CAMK2D: variants seen among roughly 807,000 people sequenced by gnomAD.
CAMK2D encodes calcium/calmodulin dependent protein kinase II delta.
In CAMK2D, 37 loss-of-function variants were observed where a neutral mutation model predicts 84.0. The ratio of observed to expected loss-of-function variants is 0.44; its 90% CI spans 0.34 to 0.58. The LOEUF (loss-of-function observed/expected upper bound fraction) is 0.58, where lower values mean the gene tolerates loss of function less well. CAMK2D is among the 20% of genes least tolerant of loss of function. The pLI is 0.02. For missense variants in CAMK2D, 448 were observed against 652.5 expected (o/e 0.69, Z 3.41); for synonymous variants, 202 against 212.5 (o/e 0.95, Z 0.43).
At chr4:113,612,642 ATGAGAAAAACATT>A (rs1296244459) in intron 3 of CAMK2D, among the ~76,000 whole-genome samples, 3 of 152,236 alleles carry the variant, frequency 2.0e-5, no homozygotes, top group Non-Finnish European at 4.4e-5. Context: ...AAAAAAGAGA[ATGAGAAAAACATT>A]TGAGAAAACA....
At chr4:113,634,191 T>C (rs570026832) in intron 3 of CAMK2D, among the ~76,000 whole-genome samples, 2 of 152,226 alleles carry the variant, frequency 1.3e-5, no homozygotes, top group Non-Finnish European at 1.5e-5. Flanking sequence ...TTCTCCCCTA[T>C]TCTGATCCTG....
intron 2 of CAMK2D, among the ~76,000 whole-genome samples, chr4:113,695,445 T>TGA (rs1197603886): frequency 6.6e-6 from 1 of 152,112 alleles, no homozygotes; most frequent in Non-Finnish European, 1.5e-5. Flanking sequence ...AAATTTAACA[T>TGA]GACCAAACTT....
At chr4:113,707,452 G>C (rs1405295657) in intron 2 of CAMK2D, among the ~76,000 whole-genome samples, 1 of 152,052 alleles carries the variant, frequency 6.6e-6, no homozygotes, top group Non-Finnish European at 1.5e-5. Flanking sequence ...TCTCTATTTA[G>C]GACAAACCAG....
intron 2 of CAMK2D, among the ~76,000 whole-genome samples, chr4:113,682,899 C>A (rs932504237): frequency 8.5e-5 from 13 of 152,248 alleles, no homozygotes; most frequent in Admixed American, 3.9e-4. Context: ...CTATAATAAA[C>A]CCATCTGCAT....
chr4:113,465,705 C>T, intron 16 of CAMK2D, 101 bp from the exon 17 acceptor site: 1 of 736,488 alleles, frequency 1.4e-6, no homozygotes, highest in Non-Finnish European at 2.4e-6. Flanking sequence ...CACTCTGTCA[C>T]CCATGCTGGA....
chr4:113,491,471 C>T (rs2097843228), intron 16 of CAMK2D, among the ~76,000 whole-genome samples: 1 of 151,516 alleles, frequency 6.6e-6, no homozygotes, highest in Non-Finnish European at 1.5e-5. Context: ...ATTGAACCAG[C>T]CTTGCATCCC....
chr4:113,505,889 T>A (rs2098121816), intron 13 of CAMK2D, among the ~76,000 whole-genome samples: 1 of 152,152 alleles, frequency 6.6e-6, no homozygotes, highest in Non-Finnish European at 1.5e-5. Flanking sequence ...AATCAGAAAC[T>A]ACAACTGAGT....
At chr4:113,581,856 G>A (rs2098811925) in intron 4 of CAMK2D, among the ~76,000 whole-genome samples, 2 of 152,152 alleles carry the variant, frequency 1.3e-5, no homozygotes, top group South Asian at 4.1e-4. Context: ...AGTAAAAGTA[G>A]ATCTGTAGGG....
intron 3 of CAMK2D, among the ~76,000 whole-genome samples, chr4:113,617,158 T>A (rs550026081): frequency 2.0e-5 from 3 of 152,242 alleles, no homozygotes; most frequent in East Asian, 1.9e-4. Context: ...CTCATCAATA[T>A]CCTTAGCCAT....
At chr4:113,630,017 A>G (rs891864915) in intron 3 of CAMK2D, among the ~76,000 whole-genome samples, 3 of 152,148 alleles carry the variant, frequency 2.0e-5, no homozygotes, top group African/African-American at 7.2e-5. Context: ...AGACCAGGGA[A>G]TTCAGACATA....
chr4:113,630,597 C>T (rs1489752801), intron 3 of CAMK2D, among the ~76,000 whole-genome samples: 2 of 152,162 alleles, frequency 1.3e-5, no homozygotes, highest in Non-Finnish European at 2.9e-5. Context: ...GCAATTAATA[C>T]CAATAATATA....
intron 16 of CAMK2D, among the ~76,000 whole-genome samples, chr4:113,498,798 C>CTGTT (rs1242834083): frequency 5.9e-5 from 9 of 152,168 alleles, no homozygotes; most frequent in African/African-American, 2.2e-4. Flanking sequence ...GACAGGAACT[C>CTGTT]TGTTTATACA....
At chr4:113,483,514 T>G (rs561393493) in intron 16 of CAMK2D, among the ~76,000 whole-genome samples, 30 of 152,094 alleles carry the variant, frequency 2.0e-4, no homozygotes, top group African/African-American at 7.2e-4. Flanking sequence ...CAAGCGATTC[T>G]CTTGCCTCAG....
intron 3 of CAMK2D, among the ~76,000 whole-genome samples, chr4:113,640,463 C>T (rs547392077): frequency 5.9e-5 from 9 of 152,116 alleles, no homozygotes; most frequent in Non-Finnish European, 1.2e-4. Context: ...TGTTTCCTTA[C>T]GTACAAGACA....
At chr4:113,508,786 T>C (rs2098167157) in intron 13 of CAMK2D, among the ~76,000 whole-genome samples, 1 of 152,232 alleles carries the variant, frequency 6.6e-6, no homozygotes. Context: ...ATGTTTTCAA[T>C]ATGAACTGAC....
At chr4:113,695,850 A>G (rs1367976585) in intron 2 of CAMK2D, among the ~76,000 whole-genome samples, 1 of 152,068 alleles carries the variant, frequency 6.6e-6, no homozygotes, top group African/African-American at 2.4e-5. Flanking sequence ...AATGGTCCCC[A>G]TCGCTCACAG....
At chr4:113,639,978 AG>A (rs2099125797) in intron 3 of CAMK2D, among the ~76,000 whole-genome samples, 1 of 151,946 alleles carries the variant, frequency 6.6e-6, no homozygotes, top group South Asian at 2.1e-4. Context: ...GGTTAGGGGG[AG>A]GGGATAGATT....
intron 2 of CAMK2D, among the ~76,000 whole-genome samples, chr4:113,691,187 C>A (rs183511067): frequency 1.3e-5 from 2 of 152,128 alleles, no homozygotes; most frequent in East Asian, 1.9e-4. Flanking sequence ...AAAAGACATA[C>A]GTCACCCATT....
intron 8 of CAMK2D, among the ~76,000 whole-genome samples, chr4:113,530,677 T>C (rs2098452083): frequency 6.6e-6 from 1 of 152,178 alleles, no homozygotes; most frequent in Non-Finnish European, 1.5e-5. Context: ...GTTTCTGCCA[T>C]GTGAAGACAC....
Sources: gnomAD v4.1 joint callset for allele counts (sites outside exome capture counted in the v4.1 genomes callset) on GRCh38, gnomAD v4.1.1 for gene constraint, MANE v1.5 for transcripts, NCBI Gene and HGNC (gene_info 2026-07-23, HGNC 2026-07-21) for gene names.